The following ACSF3 variants were observed in gnomAD, a reference collection of about 807,000 sequenced individuals.
The protein encoded by ACSF3 is malonate--CoA ligase ACSF3, mitochondrial.
ACSF3 carries 78 observed loss-of-function variants against 53.2 expected under a neutral mutation model. That is an observed-to-expected ratio of 1.47 (90% CI 1.22 to 1.77). ACSF3 has a LOEUF of 1.77. Among genes scored for constraint, ACSF3 ranks in the 40% most tolerant of loss-of-function variants. The pLI is 0.00. For missense variants in ACSF3, 937 were observed against 771.1 expected (o/e 1.22, Z -2.55); for synonymous variants, 414 against 333.1 (o/e 1.24, Z -2.65).
intron 1 of ACSF3, among the ~76,000 whole-genome samples, chr16:89,097,345 C>T (rs1158900920): frequency 1.3e-5 from 2 of 152,272 alleles, no homozygotes; most frequent in Non-Finnish European, 2.9e-5. Flanking sequence ...CACACAATGA[C>T]AGGCACCTTC....
At chr16:89,151,606 CAT>C (rs139422435) in intron 10 of ACSF3, 10,537 of 167,586 alleles carry the variant, frequency 0.063, 637 homozygotes, top group East Asian at 0.36. Context: ...TGTAATTCAC[CAT>C]ATATTTTTTT....
intron 6 of ACSF3, among the ~76,000 whole-genome samples, chr16:89,116,099 TCC>T (rs1278997749): frequency 6.6e-6 from 1 of 152,232 alleles, no homozygotes; most frequent in Admixed American, 6.5e-5. Context: ...GGGACCATGA[TCC>T]ATTTTGAGTT....
Position 89,133,119 on chromosome 16 carries a change from T to C in ACSF3, c.1240-17T>C, listed in dbSNP as rs538654192. 38 of 1,613,184 alleles carry C rather than the reference T, an allele frequency of 2.4e-5. No homozygotes were observed. Among genetic ancestry groups the C allele is most frequent in the Non-Finnish European group, 3.2e-5 (38 of 1,179,968 alleles). ...GGTGTGCCCAGCTCTGACCTCCATGTTCTTCATCCTCCACAGGTGACCCCA... is the reference window on the plus strand; with the variant it reads ...GGTGTGCCCAGCTCTGACCTCCATGCTCTTCATCCTCCACAGGTGACCCCA... On this transcript the variant is annotated splice_polypyrimidine_tract_variant and intron_variant, in intron 7 of 10. Coordinates refer to ENST00000614302, the MANE Select transcript of ACSF3 (RefSeq NM_001243279.3).
intron 2 of ACSF3, 120 bp from the exon 3 acceptor site, chr16:89,100,542 A>G (rs966336801): frequency 3.9e-6 from 4 of 1,020,912 alleles, no homozygotes; most frequent in East Asian, 2.5e-5. Context: ...GCGCTGCCTC[A>G]TGACTGAAGG....
At chr16:89,110,364 G>C (rs1450706693) in intron 4 of ACSF3, among the ~76,000 whole-genome samples, 2 of 152,196 alleles carry the variant, frequency 1.3e-5, no homozygotes, top group East Asian at 3.8e-4. Flanking sequence ...CCTTCTGCAT[G>C]GAGATATTCA....
intron 4 of ACSF3, among the ~76,000 whole-genome samples, chr16:89,107,466 G>A (rs1597920581): frequency 6.6e-6 from 1 of 152,066 alleles, no homozygotes; most frequent in Admixed American, 6.5e-5. Context: ...CCTGCTACAC[G>A]CGTGCTCCGT....
At chr16:89,116,797 C>T (rs113579290) in intron 6 of ACSF3, among the ~76,000 whole-genome samples, 8,569 of 152,256 alleles carry the variant, frequency 0.056, 772 homozygotes, top group African/African-American at 0.19. Flanking sequence ...GCGTTAGTCT[C>T]AGACCCCAGG....
In ACSF3 at chr16:89,100,724, G is replaced by A. The variant is rs375374971; in HGVS notation, c.43G>A (p.Ala15Thr). ...VVLTFRRLGC[A>T]LASCRLAPAR... Reference sequence around the variant, plus strand: ...GCTCACCTTCCGGCGCCTGGGCTGCGCCTTGGCGTCCTGCCGGCTGGCGCC... The same window carrying A: ...GCTCACCTTCCGGCGCCTGGGCTGCACCTTGGCGTCCTGCCGGCTGGCGCC... Residue 15 changes from alanine (A) to threonine (T), a missense_variant, in exon 3 of 11, where the codon GCC (alanine) becomes ACC (threonine). Coordinates refer to ENST00000614302, the MANE Select transcript of ACSF3 (RefSeq NM_001243279.3). 732 of 1,603,016 alleles carry A rather than the reference G, an allele frequency of 4.6e-4. No individual in the cohort carries two copies. The highest frequency in any genetic ancestry group is 5.8e-4 in the Non-Finnish European group (688 of 1,179,588).
intron 7 of ACSF3, among the ~76,000 whole-genome samples, chr16:89,124,061 CG>C (rs1567716173): frequency 1.6e-4 from 24 of 146,816 alleles, no homozygotes; most frequent in African/African-American, 4.8e-4. Flanking sequence ...AGTGCATGAA[CG>C]GGTATCACAC....
chr16:89,102,828 TCTCAGCCGCGCC>T, intron 4 of ACSF3, 69 bp downstream of exon 4: 5 of 1,584,932 alleles, frequency 3.2e-6, no homozygotes, highest in Non-Finnish European at 4.3e-6. Context: ...GGGCCAGGGC[TCTCAGCCGCGCC>T]CTCAGCCTAA....
At chr16:89,119,127 C>T (rs1428591970) in intron 6 of ACSF3, among the ~76,000 whole-genome samples, 1 of 152,136 alleles carries the variant, frequency 6.6e-6, no homozygotes, top group African/African-American at 2.4e-5. Flanking sequence ...AGTGTGGGGG[C>T]CACTCCTTGA....
At chr16:89,101,428 C>T in intron 3 of ACSF3, 81 bp downstream of exon 3, 1 of 1,544,936 alleles carries the variant, frequency 6.5e-7, no homozygotes, top group Non-Finnish European at 8.7e-7. Context: ...CACATCTTTT[C>T]ATTCGCTTTT....
At chr16:89,125,935 A>G in intron 7 of ACSF3, among the ~76,000 whole-genome samples, 1 of 152,284 alleles carries the variant, frequency 6.6e-6, no homozygotes, top group South Asian at 2.1e-4. Context: ...CCATTTACGT[A>G]GATCCGTGAA....
At chr16:89,145,067 C>G (rs975940346) in intron 8 of ACSF3, 200 bp from the exon 9 acceptor site, 4 of 1,441,688 alleles carry the variant, frequency 2.8e-6, no homozygotes, top group African/African-American at 1.4e-5. Context: ...CCTTGGGACG[C>G]ACGTCGTGAC....
At chr16:89,145,243 T>A in intron 8 of ACSF3, 24 bp from the exon 9 acceptor site, 6 of 1,614,116 alleles carry the variant, frequency 3.7e-6, no homozygotes, top group Non-Finnish European at 4.2e-6. Context: ...GGATGGCCAG[T>A]TAACCAGAGC....
At position 89,116,821 on chromosome 16, in the gene ACSF3, C is replaced by T. The variant is rs184588056; in HGVS notation, c.1126+2334C>T. On this transcript the variant is annotated intron_variant, in intron 6 of 10. Transcript: ENST00000614302. Reference sequence around the variant, plus strand: ...TCAGACCCCAGGAAACCTCCACCTCCGTCAGTGCTAGCGGCCCCTGCTCTG... The same window carrying T: ...TCAGACCCCAGGAAACCTCCACCTCTGTCAGTGCTAGCGGCCCCTGCTCTG... Among the ~76,000 whole-genome samples the T allele has an allele frequency of 1.6e-3, 248 of 152,330 alleles. 2 individuals carry two copies. The Middle Eastern group carries it at 0.037, about 23-fold the overall frequency.
In ACSF3 at chr16:89,154,636, A is replaced by G. The variant is rs1032655256; in HGVS notation, c.*429A>G. The G allele has an allele frequency of 1.1e-5, 5 of 454,544 alleles. No homozygotes were observed. The East Asian group carries it at 2.1e-4, about 19-fold the overall frequency. The allele number at this position is 454,544 out of a possible 1,614,324, so 28.2% of individuals were successfully genotyped here. ...ACGTGCCTGTGCCTCACCCAGAGCC[A>G]GTGTCTCCCGGCCCACATAGGAGGT... On this transcript the variant is annotated 3_prime_UTR_variant, in exon 11 of 11. Transcript: ENST00000614302.
At chr16:89,109,094 C>G (rs1976363177) in intron 4 of ACSF3, among the ~76,000 whole-genome samples, 2 of 151,692 alleles carry the variant, frequency 1.3e-5, no homozygotes, top group South Asian at 4.2e-4. Context: ...TAGCCAGGCA[C>G]CGTGGTTCAC....
At chr16:89,142,631 A>T (rs556786257) in intron 8 of ACSF3, among the ~76,000 whole-genome samples, 1 of 148,936 alleles carries the variant, frequency 6.7e-6, no homozygotes, top group Non-Finnish European at 1.5e-5. Flanking sequence ...GCAGACACCT[A>T]CACCTGCAGG....
Sources: gnomAD v4.1 joint callset for allele counts (sites outside exome capture counted in the v4.1 genomes callset) on GRCh38, gnomAD v4.1.1 for gene constraint, MANE v1.5 for transcripts, NCBI Gene and HGNC (gene_info 2026-07-23, HGNC 2026-07-21) for gene names.